Variants in PDE1A observed in about 807,000 individuals in gnomAD.
The protein encoded by PDE1A is phosphodiesterase 1A, also known as dual specificity calcium/calmodulin-dependent 3',5'-cyclic nucleotide phosphodiesterase 1A.
In PDE1A, 35 loss-of-function variants were observed where a neutral mutation model predicts 61.7. That is an observed-to-expected ratio of 0.57 (90% CI 0.43 to 0.75). The LOEUF is 0.75. Among genes scored for constraint, PDE1A ranks in the 30% least tolerant of loss-of-function variants. PDE1A has a pLI of 0.00. For synonymous variants in PDE1A, 232 were observed against 213.2 expected, an observed-to-expected ratio of 1.09 and a Z score of -0.77; for missense variants, 597 against 630.6, an observed-to-expected ratio of 0.95 and a Z score of 0.57.
chr2:182,705,114 G>GTACC, the PDE1A span, among the ~76,000 whole-genome samples: 1 of 152,178 alleles, frequency 6.6e-6, no homozygotes, highest in Admixed American at 6.5e-5. Context: ...CTTTAAAAAT[G>GTACC]TACCATGTGA....
chr2:182,467,032 T>C (rs1320655398), intron 2 of PDE1A, among the ~76,000 whole-genome samples: 1 of 151,158 alleles, frequency 6.6e-6, no homozygotes, highest in African/African-American at 2.4e-5. Flanking sequence ...GAGATTAAAG[T>C]GTATGCATAG....
chr2:182,468,219 T>G (rs1438288591), intron 2 of PDE1A, among the ~76,000 whole-genome samples: 1 of 152,032 alleles, frequency 6.6e-6, no homozygotes, highest in Non-Finnish European at 1.5e-5. Flanking sequence ...TGATGCTGTT[T>G]GATAGCATTT....
chr2:182,646,413 T>C, the PDE1A span, among the ~76,000 whole-genome samples: 2 of 119,330 alleles, frequency 1.7e-5, no homozygotes, highest in South Asian at 5.7e-4. Flanking sequence ...AAAAAAGCCA[T>C]ACGCGGTGGC....
intron 2 of PDE1A, among the ~76,000 whole-genome samples, chr2:182,462,922 G>A (rs757002654): frequency 2.6e-5 from 4 of 152,034 alleles, no homozygotes; most frequent in Non-Finnish European, 5.9e-5. Flanking sequence ...CTAATTTTCT[G>A]CATTGTATTA....
the PDE1A span, among the ~76,000 whole-genome samples, chr2:182,605,684 A>G: frequency 6.9e-3 from 1,047 of 152,338 alleles, 14 homozygotes; most frequent in African/African-American, 0.024. Flanking sequence ...TCCAGAGTAA[A>G]GGGAGAACTT....
At chr2:182,376,610 C>T (rs916988276) in intron 1 of PDE1A, among the ~76,000 whole-genome samples, 2 of 152,236 alleles carry the variant, frequency 1.3e-5, no homozygotes, top group Admixed American at 1.3e-4. Flanking sequence ...ACTGTTCCAA[C>T]CTCTGCCTGT....
At chr2:182,164,768 T>G (rs369885649), downstream of PDE1A, among the ~76,000 whole-genome samples, 3 of 152,262 alleles carry the variant, frequency 2.0e-5, no homozygotes, top group South Asian at 6.2e-4. Context: ...ATTGATTCCA[T>G]TAGACTACTT....
the PDE1A span, among the ~76,000 whole-genome samples, chr2:182,546,470 A>G: frequency 0.29 from 44,521 of 152,040 alleles, 7,107 homozygotes; most frequent in East Asian, 0.39. Context: ...AGGGCTGTGC[A>G]TCAAAAGGCC....
chr2:182,552,112 T>A, the PDE1A span, among the ~76,000 whole-genome samples: 6 of 152,232 alleles, frequency 3.9e-5, no homozygotes, highest in South Asian at 1.0e-3. Context: ...GCTATTTGTT[T>A]TACTATTTCA....
the PDE1A span, among the ~76,000 whole-genome samples, chr2:182,565,492 C>T: frequency 6.6e-6 from 1 of 152,030 alleles, no homozygotes; most frequent in Non-Finnish European, 1.5e-5. Flanking sequence ...TTAGGCTGCT[C>T]GGGGGTCAGG....
chr2:182,511,387 GACCAGA>G (rs1440616751), intron 2 of PDE1A, among the ~76,000 whole-genome samples: 1 of 152,100 alleles, frequency 6.6e-6, no homozygotes, highest in African/African-American at 2.4e-5. Context: ...CTCATTCCTG[GACCAGA>G]GGAGCTCCTG....
chr2:182,667,265 A>G, the PDE1A span, among the ~76,000 whole-genome samples: 2 of 152,218 alleles, frequency 1.3e-5, no homozygotes, highest in African/African-American at 2.4e-5. Context: ...CTGCAGGTCT[A>G]AATAGTCTGA....
intron 1 of PDE1A, among the ~76,000 whole-genome samples, chr2:182,411,979 A>T (rs1702642940): frequency 6.6e-6 from 1 of 151,124 alleles, no homozygotes. Context: ...AATTGCTTGA[A>T]CCTGGGAGGC....
At chr2:182,307,240 A>G (rs902180586) in intron 1 of PDE1A, among the ~76,000 whole-genome samples, 1 of 152,200 alleles carries the variant, frequency 6.6e-6, no homozygotes, top group Non-Finnish European at 1.5e-5. Context: ...GTCTCCTCCC[A>G]AAGTCATTTT....
At chr2:182,409,198 G>A (rs1037243769) in intron 1 of PDE1A, among the ~76,000 whole-genome samples, 8 of 151,546 alleles carry the variant, frequency 5.3e-5, no homozygotes, top group African/African-American at 7.3e-5. Flanking sequence ...CTTTTTCCAC[G>A]TCGATTAGCA....
chr2:182,214,339 G>C (rs954495575), intron 7 of PDE1A, among the ~76,000 whole-genome samples: 10 of 151,610 alleles, frequency 6.6e-5, no homozygotes, highest in African/African-American at 2.2e-4. Flanking sequence ...ATCGAGACTA[G>C]GAAGAAACTG....
chr2:182,157,309 C>G (rs1001297810), intron 13 of PDE1A, among the ~76,000 whole-genome samples: 1 of 152,132 alleles, frequency 6.6e-6, no homozygotes, highest in African/African-American at 2.4e-5. Context: ...GCCACTGTGA[C>G]CAGCCTATTT....
In PDE1A at chr2:182,302,398, A is replaced by G. The variant is rs551747263; in HGVS notation, c.54-37984T>C. On this transcript the variant is annotated intron_variant, in intron 1 of 13. Transcript: ENST00000351439. ...CACAAATTTTTTTGTTTCCCAGTAC[A>G]TATAAAAGTTATGTTTGTACTACAC... is the stretch of plus-strand genomic sequence containing the variant. Among the ~76,000 whole-genome samples the G allele has an allele frequency of 3.1e-4, 47 of 152,358 alleles. No individual in the cohort carries two copies. In the East Asian group the frequency reaches 5.0e-3, roughly 16 times the overall value.
intron 1 of PDE1A, chr2:182,522,648 G>C (rs1349766778): frequency 4.2e-6 from 5 of 1,201,484 alleles, no homozygotes; most frequent in Non-Finnish European, 5.2e-6. Context: ...ATGTGAGCCT[G>C]CTACTGTACT....
Sources: allele counts gnomAD v4.1 joint callset (sites outside exome capture counted in the v4.1 genomes callset), GRCh38; gene constraint gnomAD v4.1.1; transcripts MANE v1.5; gene names NCBI Gene and HGNC (gene_info 2026-07-23, HGNC 2026-07-21).